TKTL1: variants seen among roughly 807,000 people sequenced by gnomAD.
TKTL1 encodes transketolase-like protein 1.
Under a neutral mutation model 39.3 loss-of-function variants are expected in TKTL1, and 1 was observed. That is an observed-to-expected ratio of 0.03 (90% CI 0.01 to 0.12). TKTL1 has a LOEUF of 0.12. Ranked by LOEUF, TKTL1 falls within the 10% of genes least tolerant of loss-of-function variation. TKTL1 has a pLI of 1.00. For synonymous variants in TKTL1, 262 were observed against 193.8 expected (o/e 1.35, Z -2.92); for missense variants, 575 against 509.6 (o/e 1.13, Z -1.24).
In TKTL1 at chrX:154,329,576, C is replaced by T. The variant is rs185709468; in HGVS notation, c.1679C>T (p.Ser560Leu). 11 of 1,210,235 alleles carry T rather than the reference C, an allele frequency of 9.1e-6. No individual in the cohort carries two copies. Among genetic ancestry groups the T allele is most frequent in the South Asian group, 3.5e-5 (2 of 56,892 alleles). ...VSMDPDIQVH[S>L]LAVSGVPQSG... ...ATGGATCCTGACATTCAGGTTCATTCGCTGGCAGTGTCGGGAGTGCCCCAG... is the reference window on the plus strand; with the variant it reads ...ATGGATCCTGACATTCAGGTTCATTTGCTGGCAGTGTCGGGAGTGCCCCAG... Residue 560 changes from serine to leucine, a missense_variant, in exon 13 of 13, where the codon TCG becomes TTG. Transcript: ENST00000369915.
chrX:154,314,722 A>G (rs1337951816), intron 6 of TKTL1, among the ~76,000 whole-genome samples: 2 of 110,930 alleles, frequency 1.8e-5, no homozygotes, highest in East Asian at 2.8e-4. Flanking sequence ...ACGGGGTTTC[A>G]CCTTGTTAGC....
In TKTL1 at chrX:154,316,853, T is replaced by C. The variant is rs1308801780; in HGVS notation, c.1029+1516T>C. ...GGCACGATCACAGCTCACTGCAACC[T>C]CTGCCTCCCAGGTTCAAGCGATTCC... On this transcript the variant is annotated intron_variant, in intron 7 of 12. Coordinates refer to ENST00000369915, the MANE Select transcript of TKTL1 (RefSeq NM_012253.4). 5.6e-5 allele frequency among the ~76,000 whole-genome samples: 6 copies of C among 106,410 alleles called. No individual in the cohort carries two copies. In the East Asian group the frequency reaches 1.9e-3, roughly 34 times the overall value. The allele number at this position is 106,410 out of a possible 115,157, so 92.4% of individuals were successfully genotyped here. A position where few individuals can be genotyped will look rare whatever the true frequency, so the allele number is the denominator to read the frequency against.
chrX:154,310,826 C>G lies in TKTL1; in HGVS notation c.351-10C>G, dbSNP rs782545460. On this transcript the variant is annotated splice_polypyrimidine_tract_variant and intron_variant, in intron 3 of 12. Transcript: ENST00000369915. ...CCACAGGGTCCTAAACCTCTCTTGT[C>G]TTGCTCCAGCTACCGGGTGTTCTGC... 14 of 1,206,368 alleles carry G rather than the reference C, an allele frequency of 1.2e-5. No individual in the cohort carries two copies. The South Asian group carries it at 2.5e-4, about 21-fold the overall frequency.
intron 8 of TKTL1, among the ~76,000 whole-genome samples, chrX:154,321,686 G>A (rs1387375234): frequency 1.9e-5 from 2 of 107,548 alleles, no homozygotes; most frequent in East Asian, 2.9e-4. Flanking sequence ...GCCAGCTGGC[G>A]TGCCTGTGGC....
At chrX:154,315,087 T>G in intron 6 of TKTL1, 86 bp from the exon 7 acceptor site, 1 of 979,986 alleles carries the variant, frequency 1.0e-6, no homozygotes, top group Non-Finnish European at 1.4e-6. Context: ...AATTTGTCAT[T>G]CTACAATATG....
chrX:154,309,737 A>T (rs782631713), intron 3 of TKTL1, among the ~76,000 whole-genome samples: 2 of 110,093 alleles, frequency 1.8e-5, no homozygotes, highest in Non-Finnish European at 3.8e-5. Flanking sequence ...GGGGTCTGGG[A>T]TGTGTGGTTT....
intron 1 of TKTL1, among the ~76,000 whole-genome samples, chrX:154,300,130 C>T (rs1486463636): frequency 1.8e-5 from 2 of 110,034 alleles, no homozygotes; most frequent in African/African-American, 3.3e-5. Context: ...ATTCTCGTGC[C>T]TTAGCCTCCC....
rs1260589205 is a variant in TKTL1, at chrX:154,304,939, A to G, written c.135-365A>G. On this transcript the variant is annotated intron_variant, in intron 1 of 12. Coordinates refer to ENST00000369915, the MANE Select transcript of TKTL1 (RefSeq NM_012253.4). ...CTAAAAGAAATTCATTGTAGAAGGT[A>G]GAATGGGATCTTCATGGCATTTCTG... The G allele has an allele frequency of 6.9e-6, 6 of 867,400 alleles. No individual in the cohort carries two copies. The Admixed American group carries it at 1.8e-4, about 27-fold the overall frequency. 71.5% of individuals were successfully genotyped at this position (867,400 alleles called of 1,213,427 possible).
At chrX:154,314,840 T>C (rs1295726368) in intron 6 of TKTL1, among the ~76,000 whole-genome samples, 2 of 110,339 alleles carry the variant, frequency 1.8e-5, no homozygotes, top group African/African-American at 3.3e-5. Flanking sequence ...ATTTGAAAAA[T>C]ATAATGAGAA....
chrX:154,295,834 C>G lies in TKTL1; in HGVS notation c.-26C>G, dbSNP rs782032074. The G allele has an allele frequency of 1.7e-6, 2 of 1,203,210 alleles. No individual in the cohort carries two copies. The highest frequency in any genetic ancestry group is 2.2e-5 in the Admixed American group (1 of 44,916). ...AGACGCCGGAGACGTAGGAGTGGGT[C>G]TTCAGACTCCAAAGGGGTTGGACTA... On this transcript the variant is annotated 5_prime_UTR_variant, in exon 1 of 13. Transcript: ENST00000369915.
In TKTL1 at chrX:154,325,381, A is replaced by G; in HGVS notation, c.1360A>G (p.Ile454Val). The G allele has an allele frequency of 8.3e-7, 1 of 1,211,941 alleles. No homozygotes were observed. Among genetic ancestry groups the G allele is most frequent in the South Asian group, 1.8e-5 (1 of 57,018 alleles). The stretch of plus-strand genomic sequence containing the variant: ...GACCACCCGACCAGAAACTATGGTT[A>G]TTTACACCCCACAAGAACGCTTTGA... ...IRTTRPETMV[I>V]YTPQERFEIG... The change falls in exon 10 of 13, where the codon ATT becomes GTT. Residue 454 changes from isoleucine to valine, a missense_variant. Ile to Val is a conservative substitution (Grantham distance 29, BLOSUM62 3). Transcript: ENST00000369915.
chrX:154,327,100 A>T (rs1180928471), intron 10 of TKTL1: 7 of 219,103 alleles, frequency 3.2e-5, no homozygotes, highest in Non-Finnish European at 5.1e-5. Flanking sequence ...GTCGAGAGCG[A>T]GGGCTTTGAT....
At chrX:154,313,084 C>G (rs1381142675) in intron 6 of TKTL1, among the ~76,000 whole-genome samples, 2 of 112,115 alleles carry the variant, frequency 1.8e-5, no homozygotes, top group African/African-American at 6.5e-5. Flanking sequence ...TCTTTCACCA[C>G]TCCTGGCTCC....
At chrX:154,307,611 C>T (rs1472635575) in intron 2 of TKTL1, among the ~76,000 whole-genome samples, 3 of 112,683 alleles carry the variant, frequency 2.7e-5, no homozygotes, top group African/African-American at 9.7e-5. Flanking sequence ...TATCCTTGAC[C>T]TCCTGTCACC....
chrX:154,306,279 A>G (rs1263566596), intron 2 of TKTL1, among the ~76,000 whole-genome samples: 1 of 112,348 alleles, frequency 8.9e-6, no homozygotes, highest in African/African-American at 3.2e-5. Flanking sequence ...ACTGCACTCC[A>G]GCCTGGGCGA....
intron 1 of TKTL1, among the ~76,000 whole-genome samples, chrX:154,297,931 T>C (rs2067243549): frequency 8.9e-6 from 1 of 111,996 alleles, no homozygotes; most frequent in Non-Finnish European, 1.9e-5. Flanking sequence ...TTGAGGAGTT[T>C]GAAGAAGACT....
At chrX:154,296,368 C>T (rs1165957081) in intron 1 of TKTL1, among the ~76,000 whole-genome samples, 1 of 110,193 alleles carries the variant, frequency 9.1e-6, no homozygotes, top group Non-Finnish European at 1.9e-5. Flanking sequence ...TTCATTTTAG[C>T]GGGGAGCAGG....
In TKTL1 at chrX:154,315,665, CTTCTGCCCAA is replaced by C. The variant is rs782560477; in HGVS notation, c.1029+335_1029+344del. ...AGCATCCCAGGCTCCCTAGTAGCTC[CTTCTGCCCAA>C]TTCTGCAACCACCCAGAGGCACACT... On this transcript the variant is annotated intron_variant, in intron 7 of 12. Coordinates refer to ENST00000369915, the MANE Select transcript of TKTL1 (RefSeq NM_012253.4). Among the ~76,000 whole-genome samples, 246 of 111,792 alleles carry C rather than the reference CTTCTGCCCAA, an allele frequency of 2.2e-3. 2 individuals carry two copies. Among genetic ancestry groups the C allele is most frequent in the African/African-American group, 7.6e-3 (233 of 30,811 alleles).
chrX:154,301,901 C>G (rs114938392), intron 1 of TKTL1, among the ~76,000 whole-genome samples: 1 of 108,971 alleles, frequency 9.2e-6, no homozygotes, highest in African/African-American at 3.4e-5. Flanking sequence ...CCTAAGTCCC[C>G]ATTTTCTTTT....
Sources: allele counts gnomAD v4.1 joint callset (sites outside exome capture counted in the v4.1 genomes callset), GRCh38; gene constraint gnomAD v4.1.1; transcripts MANE v1.5; gene names NCBI Gene and HGNC (gene_info 2026-07-23, HGNC 2026-07-21).